The following FXR1 variants were observed in gnomAD, a reference collection of about 807,000 sequenced individuals.
The protein encoded by FXR1 is FMR1 autosomal homolog 1, also known as RNA-binding protein FXR1.
Under a neutral mutation model 84.0 loss-of-function variants are expected in FXR1, and 15 were observed. The observed-to-expected ratio is 0.18, with a 90% CI of 0.12 to 0.27. The LOEUF is 0.27. Ranked by LOEUF, FXR1 falls within the 10% of genes least tolerant of loss-of-function variation. The pLI, the probability that FXR1 is intolerant of heterozygous loss-of-function variation, is 1.00. For synonymous variants in FXR1, 245 were observed against 250.7 expected (o/e 0.98, Z 0.21); for missense variants, 480 against 774.4 (o/e 0.62, Z 4.51).
In FXR1 at chr3:180,979,520, C is replaced by G. The variant is rs1351625057; in HGVS notation, c.*3228C>G. ...CCTTACGCTTTTTCGTTAAGAATATCTGTCTGCTATAGTGAATTTGCTAGC... is the reference window on the plus strand; with the variant it reads ...CCTTACGCTTTTTCGTTAAGAATATGTGTCTGCTATAGTGAATTTGCTAGC... On this transcript the variant is annotated 3_prime_UTR_variant, in exon 17 of 17. Transcript: ENST00000357559. 3 of 151,924 alleles carry G rather than the reference C, an allele frequency of 2.0e-5. No homozygotes were observed. Among genetic ancestry groups the G allele is most frequent in the Admixed American group, 6.6e-5 (1 of 15,236 alleles). 9.4% of individuals were successfully genotyped at this position (151,924 alleles called of 1,614,324 possible). A position where few individuals can be genotyped will look rare whatever the true frequency, so the allele number is the denominator to read the frequency against.
chr3:180,975,221 C>A, intron 15 of FXR1, 92 bp from the exon 16 acceptor site: 1 of 498,508 alleles, frequency 2.0e-6, no homozygotes, highest in Non-Finnish European at 3.6e-6. Context: ...GGGTGACCCA[C>A]CACTAGTTTA....
At chr3:180,967,854 C>G (rs1713033591) in intron 13 of FXR1, among the ~76,000 whole-genome samples, 197 bp from the exon 14 acceptor site, 1 of 152,064 alleles carries the variant, frequency 6.6e-6, no homozygotes, top group Non-Finnish European at 1.5e-5. Flanking sequence ...CTAGTAGATA[C>G]TATACTAGTA....
chr3:180,947,287 T>G (rs1721798196), intron 3 of FXR1, among the ~76,000 whole-genome samples: 1 of 152,242 alleles, frequency 6.6e-6, no homozygotes, highest in African/African-American at 2.4e-5. Flanking sequence ...CCTCAGGTTA[T>G]CCACCCACCT....
chr3:180,976,262 A>G lies in FXR1; in HGVS notation c.1836A>G (p.Gln612=). 1 of 1,611,400 alleles carries G rather than the reference A, an allele frequency of 6.2e-7. No homozygotes were observed. Among genetic ancestry groups the G allele is most frequent in the South Asian group, 1.1e-5 (1 of 90,710 alleles). ...ATACCTTAAAAGAAGAAAACACTCAAGAAGCAGCAGTCCTGAATGGTGTTT... is the reference window on the plus strand; with the variant it reads ...ATACCTTAAAAGAAGAAAACACTCAGGAAGCAGCAGTCCTGAATGGTGTTT... ...KINTLKEENT[Q]EAAVLNGVS is the part of the protein sequence containing the mutation. The change falls in exon 17 of 17, where the codon CAA becomes CAG. Residue 612 remains glutamine (Q), a synonymous_variant. Coordinates refer to ENST00000357559, the MANE Select transcript of FXR1 (RefSeq NM_005087.4).
At chr3:180,924,018 G>C (rs1209975427) in intron 1 of FXR1, among the ~76,000 whole-genome samples, 1 of 152,108 alleles carries the variant, frequency 6.6e-6, no homozygotes, top group Non-Finnish European at 1.5e-5. Flanking sequence ...GAGTGCAGTG[G>C]CGTGGTCTTG....
intron 2 of FXR1, 60 bp from the exon 3 acceptor site, chr3:180,935,078 C>A: frequency 1.4e-6 from 1 of 710,166 alleles, no homozygotes; most frequent in Non-Finnish European, 2.5e-6. Flanking sequence ...AAAAAATATG[C>A]AACACCAGGC....
At position 180,976,094 on chromosome 3, in the gene FXR1, A is replaced by T. The variant is rs1190188267; in HGVS notation, c.1696-28A>T. ...CAGCTATAGATTTCATTTATAAAGA[A>T]GTTGAAAAAGTTGTCTCCCTTTGGC... is the stretch of plus-strand genomic sequence containing the variant. On this transcript the variant is annotated intron_variant, in intron 16 of 16. Transcript: ENST00000357559. The T allele has an allele frequency of 2.6e-6, 4 of 1,562,570 alleles. No individual in the cohort carries two copies. The African/African-American group carries it at 5.5e-5, about 22-fold the overall frequency.
intron 15 of FXR1, chr3:180,971,799 CTA>C (rs1245902383): frequency 6.6e-6 from 1 of 152,590 alleles, no homozygotes; most frequent in African/African-American, 2.4e-5. Context: ...TTTGCTGTGT[CTA>C]TTATTTTGAA....
intron 8 of FXR1, 111 bp from the exon 9 acceptor site, chr3:180,953,651 A>T: frequency 1.6e-6 from 1 of 627,408 alleles, no homozygotes; most frequent in South Asian, 2.2e-5. Context: ...ATAATCTTTT[A>T]GTAGAACATA....
chr3:180,948,039 C>T (rs537987489), intron 4 of FXR1, 103 bp downstream of exon 4: 6 of 693,358 alleles, frequency 8.7e-6, no homozygotes, highest in Non-Finnish European at 1.5e-5. Context: ...TTTCTAAAAG[C>T]CTACCTGAGA....
intron 3 of FXR1, among the ~76,000 whole-genome samples, chr3:180,945,899 CGTTTG>C (rs1171534946): frequency 1.1e-5 from 1 of 88,226 alleles, no homozygotes; most frequent in African/African-American, 5.0e-5. Context: ...AGAAATACAT[CGTTTG>C]AGAAATACAT....
intron 2 of FXR1, among the ~76,000 whole-genome samples, chr3:180,934,328 C>G (rs1339783184): frequency 6.6e-6 from 1 of 152,164 alleles, no homozygotes; most frequent in Non-Finnish European, 1.5e-5. Flanking sequence ...CTACTTTGCC[C>G]AGCCTTGGCA....
At chr3:180,931,431 C>G (rs1396906736) in intron 1 of FXR1, among the ~76,000 whole-genome samples, 1 of 152,098 alleles carries the variant, frequency 6.6e-6, no homozygotes, top group Non-Finnish European at 1.5e-5. Context: ...GTTGGCCAGG[C>G]TGGTCTCGAA....
intron 1 of FXR1, 107 bp from the exon 2 acceptor site, chr3:180,933,227 A>G: frequency 1.5e-6 from 1 of 675,530 alleles, no homozygotes; most frequent in Non-Finnish European, 2.6e-6. Context: ...CTAATTCCAA[A>G]CCTTGTGTTC....
At chr3:180,925,984 A>T (rs1341739267) in intron 1 of FXR1, among the ~76,000 whole-genome samples, 6 of 152,232 alleles carry the variant, frequency 3.9e-5, no homozygotes, top group Non-Finnish European at 7.3e-5. Context: ...ACTATCTAAC[A>T]AACAGCCCAG....
rs1299713276 is a variant in FXR1 at position 180,961,369 on chromosome 3, G to C, written c.991-99G>C. On this transcript the variant is annotated intron_variant, in intron 10 of 16. Coordinates refer to ENST00000357559, the MANE Select transcript of FXR1 (RefSeq NM_005087.4). ...AAAAAAAAAAAAAAAAAAAAAAAAG[G>C]TGTGTGTGTGTGTGCCTGCCTGTCA... The C allele has an allele frequency of 9.1e-5, 7 of 77,280 alleles. No individual in the cohort carries two copies. The East Asian group carries it at 1.8e-3, about 20-fold the overall frequency. 4.8% of individuals were successfully genotyped at this position (77,280 alleles called of 1,614,324 possible).
intron 10 of FXR1, among the ~76,000 whole-genome samples, chr3:180,958,173 G>GGGCCGGGCGCGGTGGCTC (rs1711569040): frequency 6.6e-6 from 1 of 152,056 alleles, no homozygotes; most frequent in African/African-American, 2.4e-5. Context: ...ATTTCTATTT[G>GGGCCGGGCGCGGTGGCTC]ATAATCTTAA....
intron 13 of FXR1, 151 bp from the exon 14 acceptor site, chr3:180,967,900 G>A (rs1233337672): frequency 1.5e-5 from 9 of 601,202 alleles, no homozygotes; most frequent in African/African-American, 1.1e-4. Flanking sequence ...TCCTTAGTAC[G>A]TTTCAGATTG....
chr3:180,915,411 T>A, intron 1 of FXR1: 1 of 791,160 alleles, frequency 1.3e-6, no homozygotes, highest in Non-Finnish European at 2.0e-6. Context: ...GAACGTTACG[T>A]ATATAGAATC....
Sources: allele counts gnomAD v4.1 joint callset (sites outside exome capture counted in the v4.1 genomes callset), GRCh38; gene constraint gnomAD v4.1.1; transcripts MANE v1.5; gene names NCBI Gene and HGNC (gene_info 2026-07-23, HGNC 2026-07-21).